The following KCNIP1 variants were observed in gnomAD, a reference collection of about 807,000 sequenced individuals.
The protein encoded by KCNIP1 is potassium voltage-gated channel interacting protein 1, also known as A-type potassium channel modulatory protein KCNIP1.
A neutral mutation model predicts 33.0 loss-of-function variants in KCNIP1; 18 were observed. The observed-to-expected ratio is 0.55, with a 90% CI of 0.38 to 0.81. The LOEUF (loss-of-function observed/expected upper bound fraction) is 0.81, where lower values mean the gene tolerates loss of function less well. KCNIP1 is among the 30% of genes least tolerant of loss of function. The pLI is 0.00. For missense variants in KCNIP1, 238 were observed against 271.6 expected, an observed-to-expected ratio of 0.88 and a Z score of 0.87; for synonymous variants, 93 against 98.3, an observed-to-expected ratio of 0.95 and a Z score of 0.32.
intron 1 of KCNIP1, among the ~76,000 whole-genome samples, chr5:170,620,407 G>A (rs149680288): frequency 1.3e-5 from 2 of 152,334 alleles, no homozygotes; most frequent in African/African-American, 4.8e-5. Context: ...AATCTGGTTT[G>A]TTGGATGGAG....
chr5:170,575,728 G>A (rs1757577534), intron 1 of KCNIP1, among the ~76,000 whole-genome samples: 1 of 152,148 alleles, frequency 6.6e-6, no homozygotes, highest in African/African-American at 2.4e-5. Flanking sequence ...CTGGACAAAG[G>A]GAGCACAGTT....
At chr5:170,603,690 A>G (rs901277024) in intron 1 of KCNIP1, among the ~76,000 whole-genome samples, 11 of 152,172 alleles carry the variant, frequency 7.2e-5, no homozygotes, top group Admixed American at 5.2e-4. Context: ...ACAGGGCCAC[A>G]CAAGCAAAGG....
chr5:170,723,291 A>T (rs1763895446), intron 5 of KCNIP1, among the ~76,000 whole-genome samples: 1 of 152,216 alleles, frequency 6.6e-6, no homozygotes, highest in African/African-American at 2.4e-5. Context: ...CAAGGGGGTA[A>T]TGGAAGGTAC....
intron 1 of KCNIP1, among the ~76,000 whole-genome samples, chr5:170,674,432 C>T (rs1413908562): frequency 1.3e-5 from 2 of 152,182 alleles, no homozygotes; most frequent in African/African-American, 4.8e-5. Flanking sequence ...ATGATTGGCG[C>T]TGACAATCCA....
intron 1 of KCNIP1, among the ~76,000 whole-genome samples, chr5:170,640,111 A>G (rs1225883150): frequency 6.6e-6 from 1 of 152,238 alleles, no homozygotes; most frequent in Admixed American, 6.5e-5. Flanking sequence ...AGACTTAGGA[A>G]GTAGAATCAA....
intron 1 of KCNIP1, among the ~76,000 whole-genome samples, chr5:170,414,552 C>A (rs1307316569): frequency 2.0e-5 from 3 of 152,238 alleles, no homozygotes; most frequent in Admixed American, 6.5e-5. Flanking sequence ...TTTTCCACCA[C>A]GTGGCTGCGC....
At chr5:170,562,648 C>A (rs182452900) in intron 1 of KCNIP1, among the ~76,000 whole-genome samples, 1 of 152,296 alleles carries the variant, frequency 6.6e-6, no homozygotes, top group African/African-American at 2.4e-5. Flanking sequence ...CCCTGCACGC[C>A]GTCTCTCAGT....
At chr5:170,503,724 T>TCACACACACA (rs70979180), upstream of KCNIP1, among the ~76,000 whole-genome samples, 1,493 of 136,488 alleles carry the variant, frequency 0.011, 24 homozygotes, top group African/African-American at 0.014. Context: ...CGCACGCACA[T>TCACACACACA]CACACACACA....
At chr5:170,360,476 C>T (rs1763477552) in intron 1 of KCNIP1, among the ~76,000 whole-genome samples, 1 of 152,178 alleles carries the variant, frequency 6.6e-6, no homozygotes, top group Admixed American at 6.5e-5. Flanking sequence ...GGCACAGGAC[C>T]TGGCTCATAC....
intron 1 of KCNIP1, among the ~76,000 whole-genome samples, chr5:170,593,241 C>CA (rs907257477): frequency 6.6e-6 from 1 of 152,224 alleles, no homozygotes; most frequent in African/African-American, 2.4e-5. Context: ...ACAACAGAGA[C>CA]AGTCTTCTGA....
At chr5:170,593,694 G>T (rs2113559768) in intron 1 of KCNIP1, among the ~76,000 whole-genome samples, 1 of 152,256 alleles carries the variant, frequency 6.6e-6, no homozygotes, top group Non-Finnish European at 1.5e-5. Flanking sequence ...CCCTCATTAA[G>T]CGAGACATCA....
At chr5:170,612,872 A>T (rs1319772034) in intron 1 of KCNIP1, among the ~76,000 whole-genome samples, 3 of 151,948 alleles carry the variant, frequency 2.0e-5, no homozygotes, top group African/African-American at 7.3e-5. Flanking sequence ...CCCTCCCAAG[A>T]CCCAGTCAAT....
At chr5:170,559,100 C>T (rs1019565752) in intron 1 of KCNIP1, among the ~76,000 whole-genome samples, 12 of 152,356 alleles carry the variant, frequency 7.9e-5, no homozygotes, top group African/African-American at 2.6e-4. Flanking sequence ...TGAAAATCCT[C>T]TTCCCAATCC....
chr5:170,517,802 A>ATGGTAG (rs1452623741), intron 1 of KCNIP1, among the ~76,000 whole-genome samples: 2 of 124,046 alleles, frequency 1.6e-5, no homozygotes, highest in Admixed American at 8.0e-5. Context: ...TGGTGAAGTG[A>ATGGTAG]TAGTGATGGT....
At chr5:170,490,342 G>A (rs898951307) in intron 1 of KCNIP1, among the ~76,000 whole-genome samples, 1 of 152,174 alleles carries the variant, frequency 6.6e-6, no homozygotes, top group Non-Finnish European at 1.5e-5. Flanking sequence ...CCACATTGAC[G>A]GGCTGGGGGT....
At chr5:170,551,677 AGT>A (rs1325691007) in intron 1 of KCNIP1, among the ~76,000 whole-genome samples, 1 of 149,284 alleles carries the variant, frequency 6.7e-6, no homozygotes, top group African/African-American at 2.5e-5. Flanking sequence ...TGGTTGTGAG[AGT>A]GTGGATGAGA....
chr5:170,544,206 A>G (rs113857160), intron 1 of KCNIP1, among the ~76,000 whole-genome samples: 13 of 152,236 alleles, frequency 8.5e-5, no homozygotes, highest in African/African-American at 2.6e-4. Context: ...TGAGGTCAGG[A>G]GTTCTAGACC....
intron 1 of KCNIP1, among the ~76,000 whole-genome samples, chr5:170,410,411 G>A (rs1755154762): frequency 6.6e-6 from 1 of 152,236 alleles, no homozygotes; most frequent in South Asian, 2.1e-4. Flanking sequence ...CACAGCATGG[G>A]TGCACCGGGT....
intron 1 of KCNIP1, chr5:170,383,027 G>T (rs1764311626): frequency 6.6e-6 from 1 of 151,502 alleles, no homozygotes; most frequent in African/African-American, 2.4e-5. Flanking sequence ...AAGGAGGGAA[G>T]AAAGGGAAAA....
Sources: gnomAD v4.1 joint callset for allele counts (sites outside exome capture counted in the v4.1 genomes callset) on GRCh38, gnomAD v4.1.1 for gene constraint, MANE v1.5 for transcripts, NCBI Gene and HGNC (gene_info 2026-07-23, HGNC 2026-07-21) for gene names.